Variants in ATG7 observed in about 807,000 individuals in gnomAD.
ATG7 encodes the protein ubiquitin-like modifier-activating enzyme ATG7.
ATG7 carries 70 observed loss-of-function variants against 82.4 expected under a neutral mutation model. The ratio of observed to expected loss-of-function variants is 0.85; its 90% CI spans 0.70 to 1.04. ATG7 has a LOEUF of 1.04. Among genes scored for constraint, ATG7 ranks in the 50% least tolerant of loss-of-function variants. The pLI, the probability that ATG7 is intolerant of heterozygous loss-of-function variation, is 0.00. For missense variants in ATG7, 792 were observed against 864.3 expected (o/e 0.92, Z 1.05); for synonymous variants, 287 against 313.0 (o/e 0.92, Z 0.88).
rs943996188 is a variant in ATG7 at position 11,557,622 on chromosome 3, A to C, written c.*2779A>C. On this transcript the variant is annotated 3_prime_UTR_variant, in exon 21 of 21. Coordinates refer to ENST00000693202, the MANE Select transcript of ATG7 (RefSeq NM_001349232.2). ...GTACAACTGTACCAGCAGTAAGTAT[A>C]TCTAGGACTGTAACTGACAAAAATA... 2.0e-5 allele frequency: 3 copies of C among 152,800 alleles called. No homozygotes were observed. The highest frequency in any genetic ancestry group is 1.3e-4 in the Admixed American group (2 of 15,288). 9.5% of individuals were successfully genotyped at this position (152,800 alleles called of 1,614,324 possible). A position where few individuals can be genotyped will look rare whatever the true frequency, so the allele number is the denominator to read the frequency against.
intron 20 of ATG7, among the ~76,000 whole-genome samples, chr3:11,446,224 C>A (rs921271881): frequency 7.3e-5 from 11 of 150,922 alleles, no homozygotes; most frequent in African/African-American, 2.7e-4. Flanking sequence ...AATGTTTAGA[C>A]CACATCTGCA....
intron 3 of ATG7, among the ~76,000 whole-genome samples, chr3:11,297,605 G>A (rs1259252784): frequency 1.3e-5 from 2 of 152,116 alleles, no homozygotes; most frequent in Non-Finnish European, 2.9e-5. Flanking sequence ...TAGATGATTC[G>A]AAGGGGGAAA....
intron 20 of ATG7, among the ~76,000 whole-genome samples, chr3:11,454,541 G>A (rs1460723404): frequency 1.3e-5 from 2 of 152,202 alleles, no homozygotes; most frequent in Non-Finnish European, 2.9e-5. Context: ...GAGAGCAAGA[G>A]GATGGTCATG....
chr3:11,559,251 G>A, downstream of ATG7: 3 of 1,457,658 alleles, frequency 2.1e-6, no homozygotes, highest in Non-Finnish European at 1.8e-6. Flanking sequence ...GGGGCGAGAG[G>A]TTTCAGCCAA....
At chr3:11,381,755 G>A (rs530314238) in intron 19 of ATG7, among the ~76,000 whole-genome samples, 1 of 152,170 alleles carries the variant, frequency 6.6e-6, no homozygotes, top group Non-Finnish European at 1.5e-5. Flanking sequence ...TATTCCCATA[G>A]CGGTCACTTT....
intron 20 of ATG7, among the ~76,000 whole-genome samples, chr3:11,522,262 C>T (rs148109052): frequency 0.012 from 1,754 of 152,252 alleles, 13 homozygotes; most frequent in Middle Eastern, 0.037. Flanking sequence ...TAAGTCACCA[C>T]GCAGAGGCTG....
At chr3:11,440,947 G>A (rs1336587179) in intron 20 of ATG7, among the ~76,000 whole-genome samples, 3 of 151,926 alleles carry the variant, frequency 2.0e-5, no homozygotes, top group Non-Finnish European at 4.4e-5. Flanking sequence ...GCCTCCCAAA[G>A]TGCTGAGATA....
intron 9 of ATG7, among the ~76,000 whole-genome samples, chr3:11,318,645 C>T (rs372965860): frequency 1.5e-4 from 23 of 152,202 alleles, no homozygotes; most frequent in South Asian, 4.1e-4. Flanking sequence ...CTGTTGACTT[C>T]GGGATAACGT....
chr3:11,465,315 G>A (rs1238599268), intron 20 of ATG7, among the ~76,000 whole-genome samples: 2 of 151,784 alleles, frequency 1.3e-5, no homozygotes, highest in Non-Finnish European at 2.9e-5. Flanking sequence ...CATGGTGGTG[G>A]GCACCTGTAG....
chr3:11,558,681 G>A, downstream of ATG7: 2 of 1,613,790 alleles, frequency 1.2e-6, no homozygotes, highest in South Asian at 1.1e-5. Flanking sequence ...TTGATCTGGA[G>A]CCACGTGTCA....
chr3:11,488,629 C>A (rs548436229), intron 20 of ATG7, among the ~76,000 whole-genome samples: 1 of 152,120 alleles, frequency 6.6e-6, no homozygotes, highest in African/African-American at 2.4e-5. Flanking sequence ...TTCGAGCCTT[C>A]TGGGGCCTCC....
intron 20 of ATG7, among the ~76,000 whole-genome samples, chr3:11,535,388 G>A (rs1046169232): frequency 6.6e-6 from 1 of 152,238 alleles, no homozygotes; most frequent in Non-Finnish European, 1.5e-5. Flanking sequence ...CCAAGTCCCT[G>A]TGGAGGAACC....
chr3:11,386,684 AC>A (rs2078341369), intron 19 of ATG7, among the ~76,000 whole-genome samples: 1 of 152,076 alleles, frequency 6.6e-6, no homozygotes, highest in African/African-American at 2.4e-5. Context: ...ATGATGAGTA[AC>A]CCCCAGGTTC....
At chr3:11,558,688 G>A (rs549743385), downstream of ATG7, 121 of 1,613,924 alleles carry the variant, frequency 7.5e-5, 3 homozygotes, top group South Asian at 1.3e-3. Flanking sequence ...GGAGCCACGT[G>A]TCACCCAGAG....
chr3:11,308,535 T>G (rs1948129792), intron 6 of ATG7: 1 of 159,804 alleles, frequency 6.3e-6, no homozygotes, highest in South Asian at 1.8e-4. Flanking sequence ...TACCTACTTC[T>G]GTGACAGCAA....
chr3:11,566,753 T>C, the ATG7 span, among the ~76,000 whole-genome samples: 1 of 152,066 alleles, frequency 6.6e-6, no homozygotes, highest in Admixed American at 6.6e-5. Context: ...AAACCTTTAA[T>C]ACAGAATCCA....
chr3:11,334,717 GGA>G (rs1298957082), intron 11 of ATG7, among the ~76,000 whole-genome samples: 2 of 151,462 alleles, frequency 1.3e-5, no homozygotes, highest in Non-Finnish European at 2.9e-5. Flanking sequence ...CAGCACTTTG[GGA>G]GGCCGAGGCG....
intron 20 of ATG7, among the ~76,000 whole-genome samples, chr3:11,480,044 C>T (rs911885327): frequency 3.3e-5 from 5 of 152,046 alleles, no homozygotes; most frequent in Admixed American, 3.3e-4. Context: ...TCTCCTGCCT[C>T]AGCCTCCCAA....
At chr3:11,359,242 C>G (rs2076131333) in intron 15 of ATG7, among the ~76,000 whole-genome samples, 3 of 151,950 alleles carry the variant, frequency 2.0e-5, no homozygotes, top group Admixed American at 6.6e-5. Context: ...AAAAATACAC[C>G]AAACTATTAA....
Sources: allele counts gnomAD v4.1 joint callset (sites outside exome capture counted in the v4.1 genomes callset), GRCh38; gene constraint gnomAD v4.1.1; transcripts MANE v1.5; gene names NCBI Gene and HGNC (gene_info 2026-07-23, HGNC 2026-07-21).